The following TBXAS1 variants were observed in gnomAD, a reference collection of about 807,000 sequenced individuals.
The protein encoded by TBXAS1 is thromboxane-A synthase.
TBXAS1 carries 48 observed loss-of-function variants against 60.7 expected under a neutral mutation model. That is an observed-to-expected ratio of 0.79 (90% CI 0.63 to 1.01). The LOEUF is 1.01. Ranked by LOEUF, TBXAS1 falls within the 50% of genes least tolerant of loss-of-function variation. The pLI, the probability that TBXAS1 is intolerant of heterozygous loss-of-function variation, is 0.00. For missense variants in TBXAS1, 685 were observed against 686.3 expected, an observed-to-expected ratio of 1.00 and a Z score of 0.02; for synonymous variants, 287 against 269.7, an observed-to-expected ratio of 1.06 and a Z score of -0.63.
chr7:139,861,236 A>T (rs1444631808), intron 1 of TBXAS1, among the ~76,000 whole-genome samples: 1 of 151,690 alleles, frequency 6.6e-6, no homozygotes, highest in East Asian at 1.9e-4. Context: ...ATTATGTAAG[A>T]CACTTACTAT....
At chr7:139,951,992 AAG>A (rs1225221134) in intron 5 of TBXAS1, among the ~76,000 whole-genome samples, 2 of 149,284 alleles carry the variant, frequency 1.3e-5, no homozygotes, top group African/African-American at 4.9e-5. Flanking sequence ...GAAAGAAAGA[AAG>A]AAAGAAAGAA....
At chr7:139,842,694 G>A (rs901440123) in intron 1 of TBXAS1, among the ~76,000 whole-genome samples, 1 of 152,232 alleles carries the variant, frequency 6.6e-6, no homozygotes, top group Admixed American at 6.5e-5. Context: ...TTAGCTGATA[G>A]GGGAGTTCCC....
chr7:139,893,002 C>T (rs1008523934), intron 3 of TBXAS1, among the ~76,000 whole-genome samples: 1 of 152,070 alleles, frequency 6.6e-6, no homozygotes, highest in Non-Finnish European at 1.5e-5. Flanking sequence ...TTGAAGCTTC[C>T]CTCCATCTCT....
chr7:139,888,544 A>T (rs1421880333), intron 3 of TBXAS1, among the ~76,000 whole-genome samples: 1 of 151,372 alleles, frequency 6.6e-6, no homozygotes, highest in Non-Finnish European at 1.5e-5. Context: ...CAGGGCATAC[A>T]CTCCTGCTTC....
intron 5 of TBXAS1, among the ~76,000 whole-genome samples, chr7:139,940,134 A>G (rs1052749576): frequency 6.6e-6 from 1 of 152,160 alleles, no homozygotes; most frequent in African/African-American, 2.4e-5. Flanking sequence ...GAGTTTTCCT[A>G]ATTCCAAAAG....
intron 1 of TBXAS1, among the ~76,000 whole-genome samples, chr7:139,869,310 C>T (rs1468497311): frequency 1.3e-5 from 2 of 152,168 alleles, no homozygotes; most frequent in Admixed American, 1.3e-4. Context: ...TCCTGTGAAT[C>T]TCTGTCTTCA....
At chr7:139,849,242 G>C (rs558503384) in intron 1 of TBXAS1, among the ~76,000 whole-genome samples, 4 of 151,924 alleles carry the variant, frequency 2.6e-5, no homozygotes, top group African/African-American at 7.3e-5. Flanking sequence ...AGCCAGGTGC[G>C]GTGACATGCA....
At chr7:139,952,550 G>C in intron 5 of TBXAS1, 1 of 1,536,682 alleles carries the variant, frequency 6.5e-7, no homozygotes, top group Non-Finnish European at 8.7e-7. Flanking sequence ...GATATTTTCA[G>C]CTTGGCCTTT....
intron 3 of TBXAS1, among the ~76,000 whole-genome samples, chr7:139,901,722 A>G (rs1446553749): frequency 6.6e-6 from 1 of 151,878 alleles, no homozygotes. Flanking sequence ...TTATTTCTGA[A>G]TGCTCCGCAG....
At chr7:139,782,156 T>G (rs2270164) in intron 2 of TBXAS1, among the ~76,000 whole-genome samples, 1 of 151,668 alleles carries the variant, frequency 6.6e-6, no homozygotes, top group African/African-American at 2.4e-5. Context: ...AATAAGCACA[T>G]TAGCAGTCAG....
chr7:139,863,299 G>A (rs775051142), intron 1 of TBXAS1, among the ~76,000 whole-genome samples: 1 of 152,082 alleles, frequency 6.6e-6, no homozygotes, highest in Non-Finnish European at 1.5e-5. Context: ...TGTCTTTGTG[G>A]TACCTACATT....
At chr7:139,797,161 C>A (rs1360897742) in intron 4 of TBXAS1, 1 of 152,194 alleles carries the variant, frequency 6.6e-6, no homozygotes, top group Non-Finnish European at 1.5e-5. Flanking sequence ...GACCTTGCTG[C>A]CATTTAAAAG....
chr7:139,985,163 C>T (rs1812353558), intron 9 of TBXAS1, among the ~76,000 whole-genome samples: 1 of 152,240 alleles, frequency 6.6e-6, no homozygotes, highest in African/African-American at 2.4e-5. Flanking sequence ...CCAATTAATT[C>T]ATTTCCCTGT....
chr7:139,825,914 A>G (rs750609712), upstream of TBXAS1, among the ~76,000 whole-genome samples: 7 of 152,204 alleles, frequency 4.6e-5, no homozygotes, highest in Non-Finnish European at 1.0e-4. Context: ...GAGATTTCCA[A>G]TGCATATTAG....
chr7:139,977,735 G>A (rs983803089), intron 9 of TBXAS1, among the ~76,000 whole-genome samples: 10 of 152,080 alleles, frequency 6.6e-5, no homozygotes, highest in Non-Finnish European at 2.9e-5. Context: ...TCCCCAGCCT[G>A]GCTGCAAATT....
chr7:139,928,018 C>T (rs948029192), intron 4 of TBXAS1, among the ~76,000 whole-genome samples: 1 of 152,002 alleles, frequency 6.6e-6, no homozygotes, highest in Non-Finnish European at 1.5e-5. Flanking sequence ...CCTTATTGAC[C>T]TCTCTATGAT....
intron 4 of TBXAS1, among the ~76,000 whole-genome samples, chr7:139,819,467 A>C (rs1230242071): frequency 6.6e-6 from 1 of 151,956 alleles, no homozygotes; most frequent in African/African-American, 2.4e-5. Flanking sequence ...TACAACACTT[A>C]TGCTATTCAT....
rs567398482 is a variant in TBXAS1 at position 139,852,576 on chromosome 7, G to T, written c.90-19659G>T. Reference sequence around the variant, plus strand: ...TGATCAAAGGTCAGTGGCTAAACTTGCTAAGAATTAGGTCAAGACAAAGAT... The same window carrying T: ...TGATCAAAGGTCAGTGGCTAAACTTTCTAAGAATTAGGTCAAGACAAAGAT... On this transcript the variant is annotated intron_variant, in intron 1 of 12. Coordinates refer to ENST00000448866, the MANE Select transcript of TBXAS1 (RefSeq NM_001061.7). This position sits in a 1 kb window ranked among gnomAD's most constrained non-coding sequence, Gnocchi z 4.4. Among the ~76,000 whole-genome samples the T allele has an allele frequency of 5.2e-4, 79 of 152,178 alleles. 1 individual carries two copies. The highest frequency in any genetic ancestry group is 1.0e-3 in the Non-Finnish European group (71 of 68,034).
intron 1 of TBXAS1, among the ~76,000 whole-genome samples, chr7:139,870,613 T>C (rs972595283): frequency 2.6e-5 from 4 of 152,234 alleles, no homozygotes; most frequent in Non-Finnish European, 5.9e-5. Flanking sequence ...ATCCTTGGCG[T>C]TCACGTGTGG....
Sources: gnomAD v4.1 joint callset for allele counts (sites outside exome capture counted in the v4.1 genomes callset) on GRCh38, gnomAD v4.1.1 for gene constraint, Gnocchi (gnomAD v3.1) non-coding constraint, MANE v1.5 for transcripts, NCBI Gene and HGNC (gene_info 2026-07-23, HGNC 2026-07-21) for gene names.